Variants in DAAM1 observed in about 807,000 individuals in gnomAD.
DAAM1 encodes the protein dishevelled associated activator of morphogenesis 1.
DAAM1 carries 52 observed loss-of-function variants against 130.0 expected under a neutral mutation model. The observed-to-expected ratio is 0.40, with a 90% CI of 0.32 to 0.50. The LOEUF is 0.50. Among genes scored for constraint, DAAM1 ranks in the 20% least tolerant of loss-of-function variants. DAAM1 has a pLI of 0.61. For synonymous variants in DAAM1, 452 were observed against 444.5 expected, an observed-to-expected ratio of 1.02 and a Z score of -0.21; for missense variants, 1,134 against 1,303.8, an observed-to-expected ratio of 0.87 and a Z score of 2.01.
In DAAM1 at chr14:59,368,834, G is replaced by C. The variant is rs1037580785; in HGVS notation, c.3182G>C (p.Arg1061Thr). 6.2e-7 allele frequency: 1 copy of C among 1,613,390 alleles called. No individual in the cohort carries two copies. Among genetic ancestry groups the C allele is most frequent in the Non-Finnish European group, 8.5e-7 (1 of 1,179,786 alleles). ...CAGATGACTGACAGCAGCAGAGAGA[G>C]ACCAATCACAAAACTTAATTTCTAA... ...TNQMTDSSRE[R>T]PITKLNF The change falls in exon 25 of 25, where the codon AGA becomes ACA. Residue 1061 changes from arginine (R) to threonine (T), a missense_variant. Arg to Thr is a moderately conservative substitution (Grantham distance 71). Around this residue, in one of 3 missense-constraint regions of DAAM1, gnomAD observed 644 missense variants for 695.9 expected, o/e 0.93. Transcript: ENST00000360909.
At chr14:59,309,754 G>T (rs947749981) in intron 3 of DAAM1, among the ~76,000 whole-genome samples, 1 of 152,130 alleles carries the variant, frequency 6.6e-6, no homozygotes, top group Non-Finnish European at 1.5e-5. Context: ...CTTTATCGTA[G>T]CCATCTTCGA....
intron 20 of DAAM1, among the ~76,000 whole-genome samples, chr14:59,356,345 A>G (rs1325014573): frequency 6.6e-6 from 1 of 152,212 alleles, no homozygotes; most frequent in African/African-American, 2.4e-5. Flanking sequence ...CATCGTGTAG[A>G]GATAGATTAA....
intron 2 of DAAM1, among the ~76,000 whole-genome samples, chr14:59,269,844 G>T (rs1362708290): frequency 2.6e-5 from 4 of 152,178 alleles, no homozygotes; most frequent in African/African-American, 4.8e-5. Context: ...GGCATGGAAG[G>T]CTCAGGTAAC....
In DAAM1 at chr14:59,330,616, G is replaced by A; in HGVS notation, c.1488G>A (p.Lys496=). ...ATAAAATGAAAGAGAAACTTGAAAA[G>A]GAGACTACTGAGCATAAGCAAGTCA... ...TLNKMKEKLE[K]ETTEHKQVKQ... Residue 496 remains lysine (K), a synonymous_variant, in exon 13 of 25, where the codon AAG becomes AAA. Transcript: ENST00000360909. 6.2e-7 allele frequency: 1 copy of A among 1,614,038 alleles called. No individual in the cohort carries two copies. Among genetic ancestry groups the A allele is most frequent in the Non-Finnish European group, 8.5e-7 (1 of 1,179,998 alleles).
At chr14:59,203,582 TGTG>T (rs1375641916) in intron 1 of DAAM1, among the ~76,000 whole-genome samples, 6 of 152,254 alleles carry the variant, frequency 3.9e-5, no homozygotes, top group Non-Finnish European at 8.8e-5. Context: ...AAAGGATAGA[TGTG>T]GTAATTCCTT....
chr14:59,245,117 A>G (rs1378001582), intron 1 of DAAM1, among the ~76,000 whole-genome samples: 1 of 152,202 alleles, frequency 6.6e-6, no homozygotes, highest in Non-Finnish European at 1.5e-5. Flanking sequence ...GGAGTTAAGC[A>G]TTTTTTCTAC....
chr14:59,295,673 A>G (rs1260047876), intron 3 of DAAM1, among the ~76,000 whole-genome samples: 1 of 152,206 alleles, frequency 6.6e-6, no homozygotes, highest in East Asian at 1.9e-4. Flanking sequence ...CACGTGTTAA[A>G]GTAGTGGAAT....
At chr14:59,341,401 TC>T (rs1207461523) in intron 16 of DAAM1, among the ~76,000 whole-genome samples, 1 of 152,064 alleles carries the variant, frequency 6.6e-6, no homozygotes, top group Non-Finnish European at 1.5e-5. Context: ...TCTACAGTAG[TC>T]CCCCCCTTAT....
intron 23 of DAAM1, 65 bp downstream of exon 23, chr14:59,363,847 GTTA>G (rs1409886853): frequency 1.9e-6 from 3 of 1,597,510 alleles, no homozygotes; most frequent in Admixed American, 1.7e-5. Context: ...GATACTTTCA[GTTA>G]TTATTCTGTA....
chr14:59,219,057 A>G (rs1206259019), intron 1 of DAAM1, among the ~76,000 whole-genome samples: 1 of 152,196 alleles, frequency 6.6e-6, no homozygotes, highest in Non-Finnish European at 1.5e-5. Context: ...TTATGTGAGC[A>G]TTGTTTCTTT....
At chr14:59,278,722 A>G (rs997175736) in intron 2 of DAAM1, among the ~76,000 whole-genome samples, 10 of 152,196 alleles carry the variant, frequency 6.6e-5, no homozygotes, top group African/African-American at 2.4e-4. Flanking sequence ...TAAATGGAAT[A>G]CACACTAATA....
chr14:59,197,784 C>T (rs1030298883), intron 1 of DAAM1, among the ~76,000 whole-genome samples: 1 of 152,134 alleles, frequency 6.6e-6, no homozygotes, highest in African/African-American at 2.4e-5. Flanking sequence ...TTTGACAGTT[C>T]TGCTCCTTTG....
chr14:59,369,155 C>T lies in DAAM1; in HGVS notation c.*296C>T, dbSNP rs537922483. The T allele has an allele frequency of 1.5e-5, 4 of 261,462 alleles. No individual in the cohort carries two copies. Among genetic ancestry groups the T allele is most frequent in the Admixed American group, 5.1e-5 (1 of 19,524 alleles). The allele number at this position is 261,462 out of a possible 1,614,324, so 16.2% of individuals were successfully genotyped here. A position where few individuals can be genotyped will look rare whatever the true frequency, so the allele number is the denominator to read the frequency against. On this transcript the variant is annotated 3_prime_UTR_variant, in exon 25 of 25. Coordinates refer to ENST00000360909, the MANE Select transcript of DAAM1 (RefSeq NM_001270520.2). ...GTGTGGCTCATTTTCTTTCCCCGAA[C>T]GCCATGACTGTTCAGAAGCACAATA...
At chr14:59,214,785 A>C (rs969401150) in intron 1 of DAAM1, among the ~76,000 whole-genome samples, 1 of 152,220 alleles carries the variant, frequency 6.6e-6, no homozygotes, top group African/African-American at 2.4e-5. Flanking sequence ...GCTATCATGA[A>C]TAATGCTGCC....
intron 1 of DAAM1, among the ~76,000 whole-genome samples, chr14:59,246,989 A>G (rs1223065697): frequency 6.6e-6 from 1 of 152,072 alleles, no homozygotes; most frequent in Non-Finnish European, 1.5e-5. Context: ...TAAAATTTTT[A>G]TGTATATTTT....
chr14:59,294,279 T>G (rs921494629), intron 3 of DAAM1, among the ~76,000 whole-genome samples: 2 of 152,232 alleles, frequency 1.3e-5, no homozygotes, highest in Admixed American at 1.3e-4. Context: ...AACAGCGACT[T>G]GAGTCCCGGC....
intron 3 of DAAM1, among the ~76,000 whole-genome samples, chr14:59,298,075 T>C (rs1884027834): frequency 6.6e-6 from 1 of 152,222 alleles, no homozygotes; most frequent in African/African-American, 2.4e-5. Flanking sequence ...TAAAATAGTT[T>C]TTTCTGGTTG....
intron 21 of DAAM1, among the ~76,000 whole-genome samples, chr14:59,359,792 C>T (rs1032466551): frequency 2.0e-5 from 3 of 152,204 alleles, no homozygotes; most frequent in South Asian, 4.1e-4. Context: ...AGATGCATGG[C>T]TAAGCAAATA....
intron 2 of DAAM1, among the ~76,000 whole-genome samples, chr14:59,282,562 A>G (rs148720221): frequency 8.3e-4 from 127 of 152,220 alleles, no homozygotes; most frequent in Middle Eastern, 3.4e-3. Context: ...TGATGTTTGT[A>G]TCAGTGTCGT....
Sources: gnomAD v4.1 joint callset for allele counts (sites outside exome capture counted in the v4.1 genomes callset) on GRCh38, gnomAD v4.1.1 for gene constraint, gnomAD v4.1.1 regional missense constraint, MANE v1.5 for transcripts, NCBI Gene and HGNC (gene_info 2026-07-23, HGNC 2026-07-21) for gene names.